The following PRPF3 variants were observed in gnomAD, a reference collection of about 807,000 sequenced individuals.
The protein encoded by PRPF3 is pre-mRNA processing factor 3.
In PRPF3, 3 loss-of-function variants were observed where a neutral mutation model predicts 89.2. That is an observed-to-expected ratio of 0.03 (90% CI 0.02 to 0.09). PRPF3 has a LOEUF of 0.09. Among genes scored for constraint, PRPF3 ranks in the 10% least tolerant of loss-of-function variants. PRPF3 has a pLI of 1.00. For missense variants in PRPF3, 463 were observed against 828.8 expected (o/e 0.56, Z 5.42); for synonymous variants, 270 against 289.1 (o/e 0.93, Z 0.67).
At chr1:150,342,875 T>G (rs1296120363) in intron 9 of PRPF3, among the ~76,000 whole-genome samples, 1 of 152,254 alleles carries the variant, frequency 6.6e-6, no homozygotes, top group African/African-American at 2.4e-5. Flanking sequence ...CACTTGGTTG[T>G]CCAGGCTGGT....
At chr1:150,325,987 A>G (rs1655669678) in intron 3 of PRPF3, 106 bp downstream of exon 3, 12 of 1,418,598 alleles carry the variant, frequency 8.5e-6, no homozygotes, top group South Asian at 7.0e-5. Flanking sequence ...AGAGCAGCAA[A>G]TGTTCAAGAG....
chr1:150,346,597 G>C, intron 14 of PRPF3, 106 bp downstream of exon 14: 1 of 1,173,054 alleles, frequency 8.5e-7, no homozygotes, highest in South Asian at 1.3e-5. Flanking sequence ...GATAACACTA[G>C]ATAGTGTTCA....
intron 4 of PRPF3, among the ~76,000 whole-genome samples, chr1:150,331,590 C>T (rs1553865575): frequency 1.3e-5 from 2 of 151,918 alleles, no homozygotes; most frequent in African/African-American, 2.4e-5. Context: ...GTCTTCAGCT[C>T]CTGACCTCAA....
chr1:150,351,667 ATTTTTTTTTTTTT>A lies in PRPF3; in HGVS notation c.1906-1152_1906-1140del, dbSNP rs10692607. Among the ~76,000 whole-genome samples the A allele has an allele frequency of 1.8e-4, 17 of 94,458 alleles. No homozygotes were observed. In the South Asian group the frequency reaches 3.9e-3, roughly 21 times the overall value. 62.0% of individuals were successfully genotyped at this position (94,458 alleles called of 152,430 possible). A position where few individuals can be genotyped will look rare whatever the true frequency, so the allele number is the denominator to read the frequency against. On this transcript the variant is annotated intron_variant, in intron 15 of 15. Coordinates refer to ENST00000324862, the MANE Select transcript of PRPF3 (RefSeq NM_004698.4). ...AGGTCCACACCACTGTGCCTGGCTA[ATTTTTTTTTTTTT>A]TTTTTTTTTTTTTAGAAATGGATCT...
chr1:150,332,612 G>T (rs1656537559), intron 4 of PRPF3, 72 bp from the exon 5 acceptor site: 7 of 1,442,146 alleles, frequency 4.9e-6, no homozygotes, highest in Non-Finnish European at 6.8e-6. Context: ...GAGCCTTGTG[G>T]GTTTAAAAAC....
chr1:150,341,138 AG>A (rs1441941720), intron 9 of PRPF3, among the ~76,000 whole-genome samples: 1 of 151,026 alleles, frequency 6.6e-6, no homozygotes, highest in Non-Finnish European at 1.5e-5. Flanking sequence ...GAAGAAAGAA[AG>A]AAAGAAAAAA....
At chr1:150,337,780 T>A (rs12723172) in intron 7 of PRPF3, among the ~76,000 whole-genome samples, 67,911 of 135,634 alleles carry the variant, frequency 0.5, 16,696 homozygotes, top group East Asian at 0.78. Flanking sequence ...AAAAAAAAAA[T>A]ATTTGGGATT....
Position 150,344,763 on chromosome 1 carries a change from CT to C in PRPF3, c.1640+227del, listed in dbSNP as rs5777721. ...ACCCAGTTCTTCCCTCTCAAGTCTT[CT>C]TTTTTTTTTTACCAGAATATTAGTT... is the stretch of plus-strand genomic sequence containing the variant. On this transcript the variant is annotated intron_variant, in intron 12 of 15. Transcript: ENST00000324862. 0.59 allele frequency among the ~76,000 whole-genome samples: 87,923 copies of C among 149,340 alleles called. 26,046 individuals carry two copies. The highest frequency in any genetic ancestry group is 0.62 in the Non-Finnish European group (41,604 of 67,268).
chr1:150,342,714 G>A (rs1457369978), intron 9 of PRPF3, among the ~76,000 whole-genome samples: 1 of 152,004 alleles, frequency 6.6e-6, no homozygotes, highest in Non-Finnish European at 1.5e-5. Context: ...GTGGAGTCAG[G>A]GTTTCACCAT....
chr1:150,350,515 A>G (rs587617831), intron 15 of PRPF3, among the ~76,000 whole-genome samples: 1 of 152,146 alleles, frequency 6.6e-6, no homozygotes, highest in Non-Finnish European at 1.5e-5. Flanking sequence ...TTCTATTTTT[A>G]AAATGTGCTT....
intron 3 of PRPF3, chr1:150,327,651 C>T: frequency 1.7e-5 from 17 of 985,310 alleles, no homozygotes; most frequent in South Asian, 9.4e-5. Flanking sequence ...AGCCTACCAC[C>T]GGTGTGTACA....
At chr1:150,333,537 T>A (rs1261983770) in intron 6 of PRPF3, among the ~76,000 whole-genome samples, 1 of 152,058 alleles carries the variant, frequency 6.6e-6, no homozygotes, top group African/African-American at 2.4e-5. Context: ...ACTGCGTGGG[T>A]GACAGAGGGA....
chr1:150,338,347 T>C (rs370291824), intron 8 of PRPF3, 21 bp downstream of exon 8: 71 of 1,611,562 alleles, frequency 4.4e-5, no homozygotes, highest in Non-Finnish European at 5.8e-5. Flanking sequence ...TTTAGTACCT[T>C]TTTAAAAAAA....
intron 6 of PRPF3, among the ~76,000 whole-genome samples, chr1:150,334,450 C>G (rs1553866656): frequency 6.6e-6 from 1 of 151,998 alleles, no homozygotes; most frequent in African/African-American, 2.4e-5. Context: ...CAACCTCTGC[C>G]TCCCAGGTTC....
rs2102036875 is a variant in PRPF3, at chr1:150,353,144, G to A, written c.*165G>A. 3 of 869,904 alleles carry A rather than the reference G, an allele frequency of 3.4e-6. No homozygotes were observed. Among genetic ancestry groups the A allele is most frequent in the Non-Finnish European group, 3.8e-6 (2 of 527,542 alleles). The allele number at this position is 869,904 out of a possible 1,614,324, so 53.9% of individuals were successfully genotyped here. ...CTTGCTCCCCTCCTGAGTCAGCCTG[G>A]TGTTGCCCTTTATTCCCCTTATGTG... On this transcript the variant is annotated 3_prime_UTR_variant, in exon 16 of 16. Transcript: ENST00000324862.
chr1:150,336,355 T>C (rs1283958526), intron 7 of PRPF3, among the ~76,000 whole-genome samples: 1 of 152,082 alleles, frequency 6.6e-6, no homozygotes, highest in African/African-American at 2.4e-5. Flanking sequence ...TAGGGAGCAA[T>C]CGTAAGTACA....
intron 1 of PRPF3, among the ~76,000 whole-genome samples, chr1:150,321,794 C>T (rs1291150675): frequency 1.3e-5 from 2 of 151,858 alleles, no homozygotes; most frequent in South Asian, 2.1e-4. Flanking sequence ...GGTTGGGAGA[C>T]CAGCTCTGGG....
Position 150,344,534 on chromosome 1 carries a change from A to G in PRPF3, c.1627A>G (p.Ile543Val), listed in dbSNP as rs782256620. ...LKEDISQGVHISVYRVRNLSN... is the reference protein window; with the variant it reads ...LKEDISQGVHVSVYRVRNLSN... The stretch of plus-strand genomic sequence containing the variant: ...AGAAGACATTTCACAGGGGGTACAC[A>G]TATCTGTATATAGGTAGGTGTCCAT... The change falls in exon 12 of 16, where the codon ATA becomes GTA. Residue 543 changes from isoleucine to valine, a missense_variant. Coordinates refer to ENST00000324862, the MANE Select transcript of PRPF3 (RefSeq NM_004698.4). 21 of 1,613,958 alleles carry G rather than the reference A, an allele frequency of 1.3e-5. No individual in the cohort carries two copies. Among genetic ancestry groups the G allele is most frequent in the Non-Finnish European group, 1.6e-5 (19 of 1,179,966 alleles).
chr1:150,349,674 G>T (rs1658690666), intron 15 of PRPF3, among the ~76,000 whole-genome samples: 1 of 152,084 alleles, frequency 6.6e-6, no homozygotes, highest in African/African-American at 2.4e-5. Context: ...CTTAGCTATT[G>T]TTCTCTATAT....
Sources: allele counts gnomAD v4.1 joint callset (sites outside exome capture counted in the v4.1 genomes callset), GRCh38; gene constraint gnomAD v4.1.1; transcripts MANE v1.5; gene names NCBI Gene and HGNC (gene_info 2026-07-23, HGNC 2026-07-21).